SPAG16: variants seen among roughly 807,000 people sequenced by gnomAD.
SPAG16 encodes sperm-associated antigen 16 protein.
In SPAG16, 86 loss-of-function variants were observed where a neutral mutation model predicts 80.4. That is an observed-to-expected ratio of 1.07 (90% CI 0.90 to 1.28). SPAG16 has a LOEUF of 1.28. Ranked by LOEUF, SPAG16 falls within the 50% of genes most tolerant of loss-of-function variation. The probability of loss-of-function intolerance (pLI) is 0.00; values close to 1 mark genes in which losing one functional copy is unlikely to be tolerated. For missense variants in SPAG16, 870 were observed against 765.3 expected (o/e 1.14, Z -1.61); for synonymous variants, 294 against 265.9 (o/e 1.11, Z -1.03).
chr2:213,813,776 A>G (rs771336270), intron 10 of SPAG16, among the ~76,000 whole-genome samples: 23 of 152,206 alleles, frequency 1.5e-4, no homozygotes, highest in Non-Finnish European at 1.5e-4. Flanking sequence ...ATGGACTCCC[A>G]TGAGATAAAA....
chr2:213,297,216 A>G lies in SPAG16; in HGVS notation c.184-46A>G, dbSNP rs775622633. 7 of 1,516,544 alleles carry G rather than the reference A, an allele frequency of 4.6e-6. No homozygotes were observed. In the Admixed American group the frequency reaches 5.6e-5, roughly 12 times the overall value. The allele number at this position is 1,516,544 out of a possible 1,614,324, so 93.9% of individuals were successfully genotyped here. ...TTTCTGAAGTGAAATAAAGTATTTT[A>G]TATTTCTGCTCACTCTTCCTATCCT... is the stretch of plus-strand genomic sequence containing the variant. On this transcript the variant is annotated intron_variant, in intron 2 of 15. Coordinates refer to ENST00000331683, the MANE Select transcript of SPAG16 (RefSeq NM_024532.5).
At chr2:214,028,207 GA>G (rs1172160487) in intron 13 of SPAG16, among the ~76,000 whole-genome samples, 1 of 151,896 alleles carries the variant, frequency 6.6e-6, no homozygotes, top group Non-Finnish European at 1.5e-5. Context: ...CTGATTATAG[GA>G]AAATGGTGGT....
intron 15 of SPAG16, among the ~76,000 whole-genome samples, chr2:214,195,376 TG>T (rs1320500798): frequency 6.8e-6 from 1 of 146,996 alleles, no homozygotes; most frequent in Non-Finnish European, 1.5e-5. Flanking sequence ...AAGCACAGAA[TG>T]TTATTATTCA....
chr2:214,374,347 A>G (rs967140282), intron 15 of SPAG16, among the ~76,000 whole-genome samples: 22 of 152,224 alleles, frequency 1.4e-4, no homozygotes, highest in African/African-American at 5.3e-4. Context: ...GCCAGAGGTT[A>G]AAATTAATCC....
At chr2:213,859,218 T>TAAAAAAAA (rs1575378884) in intron 10 of SPAG16, among the ~76,000 whole-genome samples, 2 of 16,902 alleles carry the variant, frequency 1.2e-4, no homozygotes, top group Admixed American at 8.2e-4. Flanking sequence ...AAAAAAAAAC[T>TAAAAAAAA]CAATGTCCTC....
chr2:214,398,294 T>A (rs544444856), intron 15 of SPAG16, among the ~76,000 whole-genome samples: 88 of 152,306 alleles, frequency 5.8e-4, no homozygotes, highest in Admixed American at 1.2e-3. Flanking sequence ...TTTAAAAAAA[T>A]TTTTCCCTTT....
intron 9 of SPAG16, among the ~76,000 whole-genome samples, chr2:213,471,151 G>A (rs2073056297): frequency 6.6e-6 from 1 of 152,130 alleles, no homozygotes; most frequent in African/African-American, 2.4e-5. Context: ...CCTGTATATT[G>A]TGCAGAACCA....
At chr2:214,197,237 G>A (rs543234858) in intron 15 of SPAG16, among the ~76,000 whole-genome samples, 1 of 151,938 alleles carries the variant, frequency 6.6e-6, no homozygotes, top group Non-Finnish European at 1.5e-5. Flanking sequence ...ACACTGTTCA[G>A]TCATTTTGAA....
chr2:213,615,577 C>T (rs569076615), intron 10 of SPAG16, among the ~76,000 whole-genome samples: 1 of 152,034 alleles, frequency 6.6e-6, no homozygotes, highest in South Asian at 2.1e-4. Flanking sequence ...GGCGACAAAG[C>T]AAGACTATCT....
intron 14 of SPAG16, among the ~76,000 whole-genome samples, chr2:214,143,478 T>A (rs1335807575): frequency 6.6e-6 from 1 of 152,124 alleles, no homozygotes; most frequent in Non-Finnish European, 1.5e-5. Context: ...ACTCATCATA[T>A]AGTTGTGAGA....
chr2:213,665,389 C>T (rs1474597307), intron 10 of SPAG16, among the ~76,000 whole-genome samples: 1 of 152,132 alleles, frequency 6.6e-6, no homozygotes, highest in Non-Finnish European at 1.5e-5. Context: ...CACACATACA[C>T]ACACAAACAC....
At chr2:214,106,037 G>GA (rs948563848) in intron 13 of SPAG16, among the ~76,000 whole-genome samples, 9 of 149,068 alleles carry the variant, frequency 6.0e-5, no homozygotes, top group South Asian at 2.1e-4. Context: ...TTCAGAATTT[G>GA]AAAAAAAAAG....
rs1377724651 is a variant in SPAG16 at position 213,950,678 on chromosome 2, TTC to T, written c.1400+20541_1400+20542del. On this transcript the variant is annotated intron_variant, in intron 12 of 15. Coordinates refer to ENST00000331683, the MANE Select transcript of SPAG16 (RefSeq NM_024532.5). ...CCTCCCTCCCTCCCTCCCTCCTTCC[TTC>T]TCTCTCTTTTCTTTTTTCTTTCTTT... is the stretch of plus-strand genomic sequence containing the variant. Among the ~76,000 whole-genome samples the T allele has an allele frequency of 6.2e-4, 77 of 123,324 alleles. 1 individual carries two copies. Among genetic ancestry groups the T allele is most frequent in the African/African-American group, 2.0e-3 (68 of 33,910 alleles). 80.9% of individuals were successfully genotyped at this position (123,324 alleles called of 152,430 possible).
chr2:213,578,101 A>T (rs372494961), intron 10 of SPAG16, among the ~76,000 whole-genome samples: 1 of 152,132 alleles, frequency 6.6e-6, no homozygotes, highest in East Asian at 1.9e-4. Context: ...AAAACATCAA[A>T]AAAAAATTAG....
At chr2:213,895,120 C>T (rs562005621) in intron 11 of SPAG16, among the ~76,000 whole-genome samples, 1 of 150,756 alleles carries the variant, frequency 6.6e-6, no homozygotes, top group South Asian at 2.1e-4. Context: ...TTTATATACA[C>T]TGACAGTGAA....
chr2:213,724,132 C>G (rs1191018907), intron 10 of SPAG16, among the ~76,000 whole-genome samples: 2 of 152,172 alleles, frequency 1.3e-5, no homozygotes, highest in East Asian at 3.9e-4. Flanking sequence ...ACTATTTTTA[C>G]TTGACATGAG....
intron 15 of SPAG16, among the ~76,000 whole-genome samples, chr2:214,153,657 A>C (rs1245867518): frequency 6.6e-6 from 1 of 152,104 alleles, no homozygotes; most frequent in Non-Finnish European, 1.5e-5. Context: ...CCACTGTAGA[A>C]GTTTTCTAGG....
At chr2:213,380,377 G>C (rs1170366846) in intron 9 of SPAG16, among the ~76,000 whole-genome samples, 1 of 152,178 alleles carries the variant, frequency 6.6e-6, no homozygotes, top group Admixed American at 6.5e-5. Context: ...CTGATCATAG[G>C]TAACTCCCCA....
chr2:213,353,538 G>GTGTTA (rs1367042861), intron 7 of SPAG16, among the ~76,000 whole-genome samples: 2 of 152,200 alleles, frequency 1.3e-5, no homozygotes, highest in African/African-American at 4.8e-5. Context: ...TGCCTGAAAA[G>GTGTTA]CTAACAGCAA....
Sources: gnomAD v4.1 joint callset for allele counts (sites outside exome capture counted in the v4.1 genomes callset) on GRCh38, gnomAD v4.1.1 for gene constraint, MANE v1.5 for transcripts, NCBI Gene and HGNC (gene_info 2026-07-23, HGNC 2026-07-21) for gene names.